The following CPNE4 variants were observed in gnomAD, a reference collection of about 807,000 sequenced individuals.
CPNE4 encodes the protein copine 4, also known as copine-4.
In CPNE4, 25 loss-of-function variants were observed where a neutral mutation model predicts 67.9. The ratio of observed to expected loss-of-function variants is 0.37; its 90% CI spans 0.27 to 0.51. The LOEUF (loss-of-function observed/expected upper bound fraction) is 0.51, where lower values mean the gene tolerates loss of function less well. CPNE4 is among the 20% of genes least tolerant of loss of function. CPNE4 has a pLI of 0.93. For missense variants in CPNE4, 464 were observed against 690.8 expected (o/e 0.67, Z 3.68); for synonymous variants, 242 against 244.9 (o/e 0.99, Z 0.11).
At chr3:131,885,976 G>T (rs2087869578) in intron 2 of CPNE4, among the ~76,000 whole-genome samples, 2 of 152,182 alleles carry the variant, frequency 1.3e-5, no homozygotes, top group South Asian at 4.1e-4. Context: ...ATTTTTTGAA[G>T]AGAAATTCAA....
At chr3:131,988,714 A>G (rs1003969675) in intron 1 of CPNE4, among the ~76,000 whole-genome samples, 1 of 152,234 alleles carries the variant, frequency 6.6e-6, no homozygotes, top group Non-Finnish European at 1.5e-5. Context: ...TTACCAGAAT[A>G]ATCTCAATTT....
chr3:131,936,246 C>T (rs1270503036), intron 1 of CPNE4, among the ~76,000 whole-genome samples: 1 of 151,900 alleles, frequency 6.6e-6, no homozygotes, highest in African/African-American at 2.4e-5. Flanking sequence ...CAGAAGCTGT[C>T]CTGGGAGGGA....
chr3:131,540,787 G>T (rs1285876639), intron 15 of CPNE4, among the ~76,000 whole-genome samples: 2 of 152,198 alleles, frequency 1.3e-5, no homozygotes, highest in Non-Finnish European at 2.9e-5. Flanking sequence ...CCAAATAACT[G>T]ATTTGAGCCC....
intron 2 of CPNE4, among the ~76,000 whole-genome samples, chr3:131,800,985 C>T (rs2084078447): frequency 6.6e-6 from 1 of 151,966 alleles, no homozygotes; most frequent in South Asian, 2.1e-4. Context: ...AAATGTCTCC[C>T]ATATGGGTTG....
chr3:131,801,644 G>A (rs778152591), intron 2 of CPNE4, among the ~76,000 whole-genome samples: 2 of 149,648 alleles, frequency 1.3e-5, no homozygotes, highest in Non-Finnish European at 3.0e-5. Flanking sequence ...GAGAGGTATG[G>A]GTCGTTACTT....
At chr3:131,626,100 C>T (rs56347507) in intron 7 of CPNE4, among the ~76,000 whole-genome samples, 4,296 of 152,240 alleles carry the variant, frequency 0.028, 68 homozygotes, top group Middle Eastern at 0.051. Flanking sequence ...GCTATTCTCC[C>T]ATCTCTCTCC....
At chr3:132,030,091 T>A (rs1047057736) in intron 1 of CPNE4, among the ~76,000 whole-genome samples, 1 of 152,050 alleles carries the variant, frequency 6.6e-6, no homozygotes, top group South Asian at 2.1e-4. Flanking sequence ...CTACTCCTCC[T>A]AACACTCTAA....
At chr3:131,958,609 C>CTTTTTTTTTTTTTTTTTTTTTT (rs748126986) in intron 1 of CPNE4, among the ~76,000 whole-genome samples, 2 of 96,032 alleles carry the variant, frequency 2.1e-5, no homozygotes, top group African/African-American at 1.0e-4. Context: ...TCTTTCTTTT[C>CTTTTTTTTTTTTTTTTTTTTTT]TTTTTTTTTT....
intron 2 of CPNE4, among the ~76,000 whole-genome samples, chr3:131,872,602 A>G (rs908492588): frequency 1.3e-5 from 2 of 152,232 alleles, no homozygotes; most frequent in Non-Finnish European, 2.9e-5. Flanking sequence ...ATACTCTTCT[A>G]GAAATAATCA....
chr3:131,578,497 G>A (rs1473978679), intron 9 of CPNE4, among the ~76,000 whole-genome samples: 1 of 152,264 alleles, frequency 6.6e-6, no homozygotes, highest in East Asian at 1.9e-4. Context: ...GTGAAAGGAA[G>A]AGTCATGCAT....
chr3:132,025,614 G>A (rs749147269), intron 1 of CPNE4, among the ~76,000 whole-genome samples: 2 of 152,150 alleles, frequency 1.3e-5, no homozygotes, highest in African/African-American at 4.8e-5. Context: ...ATTACCATTA[G>A]GGTAATTAAC....
At chr3:131,801,452 G>GTATGTA in intron 2 of CPNE4, among the ~76,000 whole-genome samples, 1 of 53,352 alleles carries the variant, frequency 1.9e-5, no homozygotes, top group South Asian at 9.2e-4. Flanking sequence ...GTGTGTGTGT[G>GTATGTA]TATATATATA....
At chr3:131,808,165 G>A (rs945777229) in intron 2 of CPNE4, among the ~76,000 whole-genome samples, 9 of 152,106 alleles carry the variant, frequency 5.9e-5, no homozygotes, top group African/African-American at 2.2e-4. Flanking sequence ...AGAGTCTACT[G>A]TCCTAAACGG....
intron 2 of CPNE4, among the ~76,000 whole-genome samples, chr3:131,757,285 G>T (rs751631788): frequency 2.0e-5 from 3 of 152,190 alleles, no homozygotes; most frequent in Non-Finnish European, 4.4e-5. Context: ...TGCTGATAGC[G>T]ATATAGACAA....
At chr3:131,552,179 G>A (rs951445548) in intron 13 of CPNE4, among the ~76,000 whole-genome samples, 9 of 151,694 alleles carry the variant, frequency 5.9e-5, no homozygotes, top group Admixed American at 5.3e-4. Flanking sequence ...TATGGCCCAA[G>A]GAATCCCAGA....
At chr3:132,038,931 G>T (rs932007029), upstream of CPNE4, among the ~76,000 whole-genome samples, 1 of 152,170 alleles carries the variant, frequency 6.6e-6, no homozygotes, top group Admixed American at 6.5e-5. Context: ...AGATGGGGTA[G>T]TGATGTGATT....
intron 7 of CPNE4, among the ~76,000 whole-genome samples, chr3:131,605,002 T>C (rs1363096220): frequency 6.6e-6 from 1 of 152,150 alleles, no homozygotes; most frequent in African/African-American, 2.4e-5. Flanking sequence ...ACTAAGTCAT[T>C]GGCTAAGTCC....
At chr3:131,712,636 C>T (rs1266235964) in intron 3 of CPNE4, among the ~76,000 whole-genome samples, 4 of 152,136 alleles carry the variant, frequency 2.6e-5, no homozygotes, top group East Asian at 3.8e-4. Flanking sequence ...TATATTATTT[C>T]GTGAATTGGC....
At chr3:131,567,232 A>T (rs563467517) in intron 10 of CPNE4, among the ~76,000 whole-genome samples, 1 of 151,996 alleles carries the variant, frequency 6.6e-6, no homozygotes, top group East Asian at 1.9e-4. Flanking sequence ...ATCCATAAAG[A>T]AAAATGGCTG....
Sources: gnomAD v4.1 joint callset for allele counts (sites outside exome capture counted in the v4.1 genomes callset) on GRCh38, gnomAD v4.1.1 for gene constraint, MANE v1.5 for transcripts, NCBI Gene and HGNC (gene_info 2026-07-23, HGNC 2026-07-21) for gene names.